Variants in TTC28 observed in about 807,000 individuals in gnomAD.
The protein encoded by TTC28 is tetratricopeptide repeat protein 28.
Under a neutral mutation model 198.0 loss-of-function variants are expected in TTC28, and 61 were observed. The observed-to-expected ratio is 0.31, with a 90% CI of 0.25 to 0.38. TTC28 has a LOEUF of 0.38. Ranked by LOEUF, TTC28 falls within the 10% of genes least tolerant of loss-of-function variation. The pLI is 1.00. For missense variants in TTC28, 2,678 were observed against 3,164.0 expected, an observed-to-expected ratio of 0.85 and a Z score of 3.69; for synonymous variants, 1,171 against 1,297.8, an observed-to-expected ratio of 0.90 and a Z score of 2.10.
chr22:28,598,645 T>C (rs1200926791), intron 2 of TTC28, among the ~76,000 whole-genome samples: 1 of 152,100 alleles, frequency 6.6e-6, no homozygotes, highest in African/African-American at 2.4e-5. Context: ...TAAACGGTGA[T>C]GACATATATG....
chr22:28,501,166 T>C (rs2048533204), intron 2 of TTC28, among the ~76,000 whole-genome samples: 1 of 152,138 alleles, frequency 6.6e-6, no homozygotes, highest in Non-Finnish European at 1.5e-5. Context: ...AATGTAACTG[T>C]TCTCAAAGAA....
chr22:28,107,768 C>T lies in TTC28; in HGVS notation c.2077G>A (p.Ala693Thr). The part of the protein sequence containing the change: ...AFKALLNFSK[A>T]EECQKYLLSL... ...AGTAGGTACTTCTGACACTCTTCAG[C>T]TTTACTGAAATTCAGCAGAGCCTTG... Residue 693 changes from alanine (A) to threonine (T), a missense_variant, in exon 7 of 23, where the codon GCT (alanine) becomes ACT (threonine). Physicochemically the swap from Ala to Thr is moderately conservative, Grantham distance 58 (BLOSUM62 0). Coordinates refer to ENST00000397906, the MANE Select transcript of TTC28 (RefSeq NM_001145418.2). 6.4e-7 allele frequency: 1 copy of T among 1,551,996 alleles called. No homozygotes were observed. Among genetic ancestry groups the T allele is most frequent in the Non-Finnish European group, 8.7e-7 (1 of 1,147,060 alleles).
intron 3 of TTC28, among the ~76,000 whole-genome samples, chr22:28,304,008 G>A (rs374895018): frequency 6.6e-6 from 1 of 152,094 alleles, no homozygotes. Flanking sequence ...GGCAGCAGCC[G>A]GGCGCGGTGG....
At chr22:27,996,398 G>T in intron 16 of TTC28, 139 bp from the exon 17 acceptor site, 3 of 1,284,514 alleles carry the variant, frequency 2.3e-6, no homozygotes, top group Non-Finnish European at 3.1e-6. Context: ...TCACAGGCTG[G>T]CCTGGGGCAT....
intron 2 of TTC28, among the ~76,000 whole-genome samples, chr22:28,386,499 T>G (rs2146042996): frequency 6.6e-6 from 1 of 152,236 alleles, no homozygotes; most frequent in Admixed American, 6.5e-5. Flanking sequence ...AAATTTAATT[T>G]GCTGACTATA....
chr22:28,139,902 C>T (rs973641670), intron 6 of TTC28, among the ~76,000 whole-genome samples: 6 of 152,192 alleles, frequency 3.9e-5, no homozygotes, highest in Non-Finnish European at 2.9e-5. Flanking sequence ...AATTCATACA[C>T]ATGACTGGGT....
intron 2 of TTC28, among the ~76,000 whole-genome samples, chr22:28,626,892 A>G (rs1475814673): frequency 6.6e-6 from 1 of 152,106 alleles, no homozygotes; most frequent in Non-Finnish European, 1.5e-5. Context: ...TATAATAATA[A>G]AAGTACACTT....
At chr22:28,234,230 T>C (rs934744332) in intron 5 of TTC28, among the ~76,000 whole-genome samples, 2 of 151,666 alleles carry the variant, frequency 1.3e-5, no homozygotes, top group African/African-American at 4.8e-5. Flanking sequence ...TTAGTAGAGA[T>C]GGGGTTTCAC....
Position 28,658,592 on chromosome 22 carries a change from T to G in TTC28, c.102+21030A>C, listed in dbSNP as rs185664545. ...AGTTTCACTTTTACAAGATGAAGAGTTATAGAGATGGATAATGGTGATAGT... is the reference window on the plus strand; with the variant it reads ...AGTTTCACTTTTACAAGATGAAGAGGTATAGAGATGGATAATGGTGATAGT... On this transcript the variant is annotated intron_variant, in intron 1 of 22. Transcript: ENST00000397906. 3.0e-3 allele frequency among the ~76,000 whole-genome samples: 453 copies of G among 152,156 alleles called. 1 individual carries two copies. The highest frequency in any genetic ancestry group is 4.2e-3 in the Non-Finnish European group (285 of 67,994).
At chr22:28,319,950 T>C (rs1342359847) in intron 2 of TTC28, among the ~76,000 whole-genome samples, 2 of 152,192 alleles carry the variant, frequency 1.3e-5, no homozygotes. Flanking sequence ...ATATCTGACA[T>C]GGTTTGGGTG....
chr22:28,563,602 G>T lies in TTC28; in HGVS notation c.381+65950C>A, dbSNP rs149717678. Reference sequence around the variant, plus strand: ...CAATGCAAATCAAAACCACAATAAGGTACCACCTTACACCTACTAGACTGA... The same window carrying T: ...CAATGCAAATCAAAACCACAATAAGTTACCACCTTACACCTACTAGACTGA... On this transcript the variant is annotated intron_variant, in intron 2 of 22. Transcript: ENST00000397906. 3.9e-5 allele frequency among the ~76,000 whole-genome samples: 6 copies of T among 152,094 alleles called. No homozygotes were observed. The East Asian group carries it at 1.2e-3, about 29-fold the overall frequency.
At chr22:28,289,383 A>C (rs1601585573) in intron 5 of TTC28, among the ~76,000 whole-genome samples, 1 of 152,092 alleles carries the variant, frequency 6.6e-6, no homozygotes, top group South Asian at 2.1e-4. Context: ...TAATTTATGT[A>C]CTCTTCTGAC....
chr22:28,233,698 G>A (rs893384906), intron 5 of TTC28, among the ~76,000 whole-genome samples: 2 of 152,092 alleles, frequency 1.3e-5, no homozygotes, highest in Non-Finnish European at 2.9e-5. Context: ...AATAGATCAC[G>A]AGTTAAATGA....
At chr22:28,191,537 T>A (rs2147128016) in intron 5 of TTC28, among the ~76,000 whole-genome samples, 1 of 152,340 alleles carries the variant, frequency 6.6e-6, no homozygotes, top group African/African-American at 2.4e-5. Flanking sequence ...TTCCCTTTCC[T>A]AGTCAAAGAA....
intron 2 of TTC28, among the ~76,000 whole-genome samples, chr22:28,322,935 A>T (rs2045469894): frequency 6.6e-6 from 1 of 152,112 alleles, no homozygotes; most frequent in Admixed American, 6.6e-5. Flanking sequence ...CTTCAAACTT[A>T]TGCTTCAGTC....
intron 2 of TTC28, among the ~76,000 whole-genome samples, chr22:28,312,189 A>G (rs1023967284): frequency 6.6e-6 from 1 of 152,204 alleles, no homozygotes; most frequent in Non-Finnish European, 1.5e-5. Flanking sequence ...TATGCAACCA[A>G]TATAGGAGCA....
At chr22:28,026,322 C>T (rs1463807199) in intron 13 of TTC28, among the ~76,000 whole-genome samples, 1 of 152,170 alleles carries the variant, frequency 6.6e-6, no homozygotes, top group East Asian at 1.9e-4. Context: ...GGTCCCTGCC[C>T]AGCAGACAGC....
intron 2 of TTC28, among the ~76,000 whole-genome samples, chr22:28,484,463 T>G (rs1182838990): frequency 6.6e-6 from 1 of 152,078 alleles, no homozygotes; most frequent in Admixed American, 6.6e-5. Flanking sequence ...AATGTCAAAT[T>G]TATTTGTACA....
At position 28,093,152 on chromosome 22, in the gene TTC28, A is replaced by G. The variant is rs186715064; in HGVS notation, c.3932+928T>C. On this transcript the variant is annotated intron_variant, in intron 12 of 22. Transcript: ENST00000397906. The stretch of plus-strand genomic sequence containing the variant: ...TCCAATATTGACATTAAATTATTCA[A>G]TAATCATTTTTCACCTAAGAACTCT... Among the ~76,000 whole-genome samples, 47 of 152,338 alleles carry G rather than the reference A, an allele frequency of 3.1e-4. No individual in the cohort carries two copies. The East Asian group carries it at 7.1e-3, about 23-fold the overall frequency.
Sources: gnomAD v4.1 joint callset for allele counts (sites outside exome capture counted in the v4.1 genomes callset) on GRCh38, gnomAD v4.1.1 for gene constraint, MANE v1.5 for transcripts, NCBI Gene and HGNC (gene_info 2026-07-23, HGNC 2026-07-21) for gene names.